The following LRP1B variants were observed in gnomAD, a reference collection of about 807,000 sequenced individuals.
LRP1B encodes LDL receptor related protein 1B.
In LRP1B, 217 loss-of-function variants were observed where a neutral mutation model predicts 556.6. The observed-to-expected ratio is 0.39, with a 90% CI of 0.35 to 0.44. LRP1B has a LOEUF of 0.44. Ranked by LOEUF, LRP1B falls within the 20% of genes least tolerant of loss-of-function variation. The pLI is 1.00. For synonymous variants in LRP1B, 2,047 were observed against 1,865.8 expected (o/e 1.10, Z -2.50); for missense variants, 5,053 against 5,620.8 (o/e 0.90, Z 3.23).
At chr2:140,796,091 G>T (rs2104997427) in intron 32 of LRP1B, among the ~76,000 whole-genome samples, 1 of 151,760 alleles carries the variant, frequency 6.6e-6, no homozygotes, top group East Asian at 1.9e-4. Context: ...ATCTTTCTAT[G>T]TACATACACA....
rs143661527 is a variant in LRP1B, at chr2:140,784,376, CCACACACACACACACA to C, written c.5360-8154_5360-8139del. 1.1e-3 allele frequency among the ~76,000 whole-genome samples: 138 copies of C among 126,688 alleles called. 1 individual carries two copies. The highest frequency in any genetic ancestry group is 3.4e-3 in the African/African-American group (118 of 34,356). The allele number at this position is 126,688 out of a possible 152,430, so 83.1% of individuals were successfully genotyped here. On this transcript the variant is annotated intron_variant, in intron 32 of 90. Transcript: ENST00000389484. Reference sequence around the variant, plus strand: ...AAGAGATAATTGGAGGATTCTGCCTCCACACACACACACACACACACACACACACACACACACACAC... The same window carrying C: ...AAGAGATAATTGGAGGATTCTGCCTCCACACACACACACACACACACACAC...
At chr2:140,884,064 T>G (rs1308228084) in intron 24 of LRP1B, 43 bp from the exon 25 acceptor site, 2 of 1,572,046 alleles carry the variant, frequency 1.3e-6, no homozygotes, top group Non-Finnish European at 1.7e-6. Context: ...ATTCAAGGAT[T>G]GTGTTAAGCA....
At position 140,601,654 on chromosome 2, in the gene LRP1B, A is replaced by C; in HGVS notation, c.6800-15T>G. 7 of 1,537,496 alleles carry C rather than the reference A, an allele frequency of 4.6e-6. No homozygotes were observed. Among genetic ancestry groups the C allele is most frequent in the Non-Finnish European group, 6.2e-6 (7 of 1,136,468 alleles). On this transcript the variant is annotated splice_polypyrimidine_tract_variant and intron_variant, in intron 41 of 90. Coordinates refer to ENST00000389484, the MANE Select transcript of LRP1B (RefSeq NM_018557.3). ...AGAACCCACATCTAGTGGGGGAAGA[A>C]AAAGAAAAAATATATACTTTTATTT... is the stretch of plus-strand genomic sequence containing the variant.
chr2:140,824,711 C>T (rs1691445464), intron 31 of LRP1B, among the ~76,000 whole-genome samples: 1 of 151,992 alleles, frequency 6.6e-6, no homozygotes, highest in South Asian at 2.1e-4. Context: ...GTTTTTTATT[C>T]CTTGGATACA....
chr2:141,728,338 A>T (rs998270060), intron 2 of LRP1B, among the ~76,000 whole-genome samples: 1 of 152,090 alleles, frequency 6.6e-6, no homozygotes, highest in African/African-American at 2.4e-5. Context: ...ATCCCAGAGC[A>T]GCCGTGCCTC....
intron 18 of LRP1B, among the ~76,000 whole-genome samples, chr2:140,965,204 C>G (rs1327957128): frequency 6.6e-6 from 1 of 152,134 alleles, no homozygotes; most frequent in African/African-American, 2.4e-5. Flanking sequence ...ACATCGAATT[C>G]TAACCCCCAG....
rs1686788334 is a variant in LRP1B, at chr2:140,449,231, T to TTTCTAAGAATTCATTCTTGTAA, written c.10057+1336_10057+1337insTTACAAGAATGAATTCTTAGAA. On this transcript the variant is annotated intron_variant, in intron 63 of 90. Transcript: ENST00000389484. ...AAATTAACATATTCATTCTTGTTTA[T>TTTCTAAGAATTCATTCTTGTAA]TTCTAAGAATTACAAATGTAAGTTG... Among the ~76,000 whole-genome samples the TTTCTAAGAATTCATTCTTGTAA allele has an allele frequency of 2.0e-5, 3 of 152,100 alleles. No homozygotes were observed. In the South Asian group the frequency reaches 6.2e-4, roughly 31 times the overall value.
intron 86 of LRP1B, among the ~76,000 whole-genome samples, chr2:140,252,105 A>T (rs1218297544): frequency 2.7e-5 from 4 of 149,042 alleles, no homozygotes; most frequent in Non-Finnish European, 5.9e-5. Context: ...AAAACAAAAA[A>T]AAACAGAAAA....
At chr2:141,588,245 C>CT (rs34534099) in intron 2 of LRP1B, among the ~76,000 whole-genome samples, 31,563 of 148,604 alleles carry the variant, frequency 0.21, 3,426 homozygotes, top group South Asian at 0.38. Context: ...GGACTGGCAG[C>CT]TTTTTTTTTT....
At chr2:141,558,275 T>C (rs1686031447) in intron 2 of LRP1B, among the ~76,000 whole-genome samples, 1 of 151,792 alleles carries the variant, frequency 6.6e-6, no homozygotes, top group Non-Finnish European at 1.5e-5. Context: ...AAACCTATGC[T>C]GGAGTAAAGT....
At chr2:140,908,393 A>ATAT (rs1559188028) in intron 21 of LRP1B, among the ~76,000 whole-genome samples, 1 of 143,732 alleles carries the variant, frequency 7.0e-6, no homozygotes, top group African/African-American at 2.5e-5. Flanking sequence ...TATATATATA[A>ATAT]AAAGAAGGTT....
At chr2:141,819,599 T>C (rs1409903079) in intron 1 of LRP1B, among the ~76,000 whole-genome samples, 1 of 152,172 alleles carries the variant, frequency 6.6e-6, no homozygotes, top group African/African-American at 2.4e-5. Flanking sequence ...CTGGAAAGGA[T>C]AGTGGGACAG....
At chr2:140,571,791 C>T (rs952491770) in intron 43 of LRP1B, among the ~76,000 whole-genome samples, 1 of 151,446 alleles carries the variant, frequency 6.6e-6, no homozygotes, top group African/African-American at 2.4e-5. Context: ...ATGCTGCTGG[C>T]ATAACAATGG....
intron 7 of LRP1B, among the ~76,000 whole-genome samples, chr2:141,130,605 G>C (rs573887962): frequency 6.6e-6 from 1 of 152,016 alleles, no homozygotes; most frequent in Non-Finnish European, 1.5e-5. Flanking sequence ...AGTTGTACCC[G>C]TGTGAGATAA....
intron 15 of LRP1B, among the ~76,000 whole-genome samples, chr2:141,003,572 G>A (rs1176474425): frequency 6.6e-6 from 1 of 151,936 alleles, no homozygotes; most frequent in Non-Finnish European, 1.5e-5. Flanking sequence ...TAAAAACAGG[G>A]ATTTCCCTGC....
intron 37 of LRP1B, among the ~76,000 whole-genome samples, chr2:140,708,496 T>TTA (rs1686919267): frequency 7.0e-6 from 1 of 142,186 alleles, no homozygotes; most frequent in Non-Finnish European, 1.5e-5. Flanking sequence ...CAAAAAATAT[T>TTA]TATATATATG....
chr2:140,986,121 TC>T (rs1696917064), intron 17 of LRP1B, among the ~76,000 whole-genome samples: 1 of 151,814 alleles, frequency 6.6e-6, no homozygotes, highest in Non-Finnish European at 1.5e-5. Flanking sequence ...GGTTTTTTTT[TC>T]CTTGGATGAG....
intron 20 of LRP1B, among the ~76,000 whole-genome samples, chr2:140,926,497 G>A (rs1559198682): frequency 6.6e-6 from 1 of 151,694 alleles, no homozygotes; most frequent in African/African-American, 2.4e-5. Context: ...GTGTGCCACT[G>A]CACCCAGCTA....
chr2:141,953,832 T>C (rs1701176454), intron 1 of LRP1B, among the ~76,000 whole-genome samples: 1 of 152,170 alleles, frequency 6.6e-6, no homozygotes, highest in Admixed American at 6.5e-5. Context: ...TGGTTACTTG[T>C]CATATGTGCA....
Sources: allele counts gnomAD v4.1 joint callset (sites outside exome capture counted in the v4.1 genomes callset), GRCh38; gene constraint gnomAD v4.1.1; transcripts MANE v1.5; gene names NCBI Gene and HGNC (gene_info 2026-07-23, HGNC 2026-07-21).